DNAI1: variants seen among roughly 807,000 people sequenced by gnomAD.
DNAI1 encodes dynein axonemal intermediate chain 1.
In DNAI1, 67 loss-of-function variants were observed where a neutral mutation model predicts 92.0. The observed-to-expected ratio is 0.73, with a 90% CI of 0.60 to 0.89. The LOEUF is 0.89. Among genes scored for constraint, DNAI1 ranks in the 40% least tolerant of loss-of-function variants. The probability of loss-of-function intolerance (pLI) is 0.00; values close to 1 mark genes in which losing one functional copy is unlikely to be tolerated. For synonymous variants in DNAI1, 323 were observed against 319.6 expected (o/e 1.01, Z -0.11); for missense variants, 839 against 866.6 (o/e 0.97, Z 0.40).
intron 13 of DNAI1, among the ~76,000 whole-genome samples, chr9:34,510,673 A>G (rs1825046501): frequency 6.6e-6 from 1 of 151,992 alleles, no homozygotes; most frequent in Non-Finnish European, 1.5e-5. Flanking sequence ...TCAGGCTGCT[A>G]AGTGGGGTGT....
intron 16 of DNAI1, 50 bp from the exon 17 acceptor site, chr9:34,514,344 T>G: frequency 1.2e-6 from 2 of 1,606,204 alleles, no homozygotes; most frequent in Non-Finnish European, 1.7e-6. Context: ...AGGGAAGTGG[T>G]GGCTGCTGAC....
chr9:34,465,627 G>C (rs915094610), intron 1 of DNAI1, among the ~76,000 whole-genome samples: 1 of 152,206 alleles, frequency 6.6e-6, no homozygotes, highest in African/African-American at 2.4e-5. Flanking sequence ...TTCCTCCCCT[G>C]TGTACTAGGG....
intron 18 of DNAI1, 112 bp from the exon 19 acceptor site, chr9:34,517,173 G>A: frequency 8.5e-7 from 1 of 1,170,306 alleles, no homozygotes; most frequent in Non-Finnish European, 1.2e-6. Flanking sequence ...GCTCCAGTGT[G>A]CTAGCCATTA....
At chr9:34,487,592 T>C (rs1824499219) in intron 4 of DNAI1, among the ~76,000 whole-genome samples, 2 of 152,114 alleles carry the variant, frequency 1.3e-5, no homozygotes, top group Non-Finnish European at 2.9e-5. Flanking sequence ...GATGTTTTGC[T>C]GGAGCACAGT....
intron 8 of DNAI1, among the ~76,000 whole-genome samples, chr9:34,492,991 G>T (rs1824639475): frequency 6.6e-6 from 1 of 152,164 alleles, no homozygotes; most frequent in African/African-American, 2.4e-5. Context: ...CCAGCCCAGA[G>T]ATGTCCTTAG....
At chr9:34,474,567 C>CTTTTTTTTTTTTTTTTTTTT (rs55701117) in intron 1 of DNAI1, among the ~76,000 whole-genome samples, 1 of 107,854 alleles carries the variant, frequency 9.3e-6, no homozygotes, top group Non-Finnish European at 2.0e-5. Context: ...TTTTTTTTTC[C>CTTTTTTTTTTTTTTTTTTTT]TTTTTTTTTT....
At chr9:34,487,860 G>A (rs1564032235) in intron 4 of DNAI1, 1 of 163,382 alleles carries the variant, frequency 6.1e-6, no homozygotes, top group Non-Finnish European at 1.4e-5. Context: ...AGAGCTTTAG[G>A]TCCCCAAAGC....
rs35082433 is a variant in DNAI1, at chr9:34,469,260, CTTTTTTT to C, written c.48+10224_48+10230del. ...TGTAGGCCAGAAGACAATGGAATGG[CTTTTTTT>C]TTTTTTTTTTTTTTTTGAGACAAGG... On this transcript the variant is annotated intron_variant, in intron 1 of 19. Coordinates refer to ENST00000242317, the MANE Select transcript of DNAI1 (RefSeq NM_012144.4). 1.6e-4 allele frequency among the ~76,000 whole-genome samples: 13 copies of C among 80,188 alleles called. No individual in the cohort carries two copies. In the East Asian group the frequency reaches 4.5e-3, roughly 28 times the overall value. The allele number at this position is 80,188 out of a possible 152,430, so 52.6% of individuals were successfully genotyped here. A position where few individuals can be genotyped will look rare whatever the true frequency, so the allele number is the denominator to read the frequency against.
chr9:34,486,483 AAATAT>A (rs1178884590), intron 4 of DNAI1, among the ~76,000 whole-genome samples: 3 of 152,168 alleles, frequency 2.0e-5, no homozygotes, highest in Non-Finnish European at 2.9e-5. Flanking sequence ...AATATTTTGA[AAATAT>A]AATAGAAACC....
At chr9:34,489,559 T>G in intron 5 of DNAI1, 110 bp downstream of exon 5, 1 of 1,356,614 alleles carries the variant, frequency 7.4e-7, no homozygotes, top group Non-Finnish European at 1.0e-6. Context: ...TCTGCTAACA[T>G]AAACTCCAGG....
chr9:34,485,580 C>A, intron 4 of DNAI1, 63 bp downstream of exon 4: 1 of 1,490,896 alleles, frequency 6.7e-7, no homozygotes, highest in Non-Finnish European at 9.3e-7. Context: ...CAGTGACTTG[C>A]TACATTGCAA....
At chr9:34,502,869 G>A (rs1824860498) in intron 12 of DNAI1, among the ~76,000 whole-genome samples, 3 of 152,156 alleles carry the variant, frequency 2.0e-5, no homozygotes, top group African/African-American at 7.2e-5. Context: ...TTGGTGACAT[G>A]GAAAGGCTGA....
intron 11 of DNAI1, 43 bp downstream of exon 11, chr9:34,500,882 C>T (rs1824818627): frequency 2.0e-6 from 3 of 1,474,446 alleles, no homozygotes; most frequent in Middle Eastern, 1.9e-4. Context: ...CCTGAGTGCC[C>T]TCTACATCCC....
chr9:34,464,945 G>A (rs907040074), intron 1 of DNAI1, among the ~76,000 whole-genome samples: 76 of 152,258 alleles, frequency 5.0e-4, no homozygotes, highest in African/African-American at 1.8e-3. Flanking sequence ...AGAATAAGAA[G>A]GAGTAATCAG....
chr9:34,463,243 A>G (rs1823981550), intron 1 of DNAI1, among the ~76,000 whole-genome samples: 1 of 152,180 alleles, frequency 6.6e-6, no homozygotes, highest in Admixed American at 6.5e-5. Flanking sequence ...GGAGCCTGCT[A>G]CACATGTTCT....
intron 4 of DNAI1, chr9:34,488,591 A>G (rs1824520570): frequency 6.5e-6 from 1 of 153,530 alleles, no homozygotes; most frequent in Non-Finnish European, 1.4e-5. Context: ...CTCTAAGTCA[A>G]TTTTAGTGGT....
Position 34,520,870 on chromosome 9 carries a change from C to CA in DNAI1, c.*115dup. 7 of 994,822 alleles carry CA rather than the reference C, an allele frequency of 7.0e-6. No homozygotes were observed. Among genetic ancestry groups the CA allele is most frequent in the Non-Finnish European group, 1.1e-5 (7 of 642,658 alleles). The allele number at this position is 994,822 out of a possible 1,614,324, so 61.6% of individuals were successfully genotyped here. A position where few individuals can be genotyped will look rare whatever the true frequency, so the allele number is the denominator to read the frequency against. On this transcript the variant is annotated 3_prime_UTR_variant, in exon 20 of 20. Transcript: ENST00000242317. ...TGTGACCCCACTCCTGATCAGGTCC[C>CA]AGCATCTTCCCTTCTTGTTCTGTTC...
intron 10 of DNAI1, among the ~76,000 whole-genome samples, chr9:34,497,619 C>T (rs1275721715): frequency 6.6e-6 from 1 of 152,150 alleles, no homozygotes; most frequent in African/African-American, 2.4e-5. Flanking sequence ...ACTCAGAGCA[C>T]CTTGGGAATG....
chr9:34,493,069 G>A (rs1030213144), intron 8 of DNAI1, 125 bp from the exon 9 acceptor site: 38 of 1,291,370 alleles, frequency 2.9e-5, no homozygotes, highest in Non-Finnish European at 4.1e-5. Flanking sequence ...ATTCCAACAG[G>A]CCAAGTAGAA....
Sources: allele counts gnomAD v4.1 joint callset (sites outside exome capture counted in the v4.1 genomes callset), GRCh38; gene constraint gnomAD v4.1.1; transcripts MANE v1.5; gene names NCBI Gene and HGNC (gene_info 2026-07-23, HGNC 2026-07-21).